Variants in FCHSD2 observed in about 807,000 individuals in gnomAD.
The protein encoded by FCHSD2 is F-BAR and double SH3 domains protein 2.
Under a neutral mutation model 108.1 loss-of-function variants are expected in FCHSD2, and 38 were observed. The observed-to-expected ratio is 0.35, with a 90% CI of 0.27 to 0.46. The LOEUF is 0.46. FCHSD2 is among the 20% of genes least tolerant of loss of function. FCHSD2 has a pLI of 1.00. For synonymous variants in FCHSD2, 279 were observed against 314.7 expected, an observed-to-expected ratio of 0.89 and a Z score of 1.20; for missense variants, 751 against 897.8, an observed-to-expected ratio of 0.84 and a Z score of 2.09.
At chr11:73,117,323 G>A (rs1005961606) in intron 2 of FCHSD2, among the ~76,000 whole-genome samples, 1 of 152,076 alleles carries the variant, frequency 6.6e-6, no homozygotes, top group East Asian at 1.9e-4. Flanking sequence ...TCACAATCAG[G>A]CAATCTGGTT....
At chr11:72,838,982 G>A in intron 19 of FCHSD2, 108 bp from the exon 20 acceptor site, 1 of 910,258 alleles carries the variant, frequency 1.1e-6, no homozygotes. Flanking sequence ...CACCCTAGGG[G>A]TCTCAGAAAT....
intron 3 of FCHSD2, among the ~76,000 whole-genome samples, chr11:73,017,631 C>T (rs1858003145): frequency 6.6e-6 from 1 of 152,148 alleles, no homozygotes; most frequent in South Asian, 2.1e-4. Context: ...CGTAACAGTT[C>T]CACTTAACAT....
chr11:73,037,314 T>C (rs1181720156), intron 3 of FCHSD2, among the ~76,000 whole-genome samples: 1 of 152,178 alleles, frequency 6.6e-6, no homozygotes, highest in African/African-American at 2.4e-5. Context: ...TGGTTTACAC[T>C]AGGATTCTTA....
chr11:72,973,853 T>G (rs12294533), intron 8 of FCHSD2, among the ~76,000 whole-genome samples: 1 of 152,078 alleles, frequency 6.6e-6, no homozygotes, highest in African/African-American at 2.4e-5. Context: ...GCCACATTCA[T>G]GGCTGCACTG....
chr11:73,107,101 A>G (rs527863709), intron 2 of FCHSD2, among the ~76,000 whole-genome samples: 192 of 152,132 alleles, frequency 1.3e-3, no homozygotes, highest in Admixed American at 4.2e-3. Context: ...CAGTGGCGCA[A>G]TATCGGCTCA....
At position 72,984,106 on chromosome 11, in the gene FCHSD2, A is replaced by G; in HGVS notation, c.687T>C (p.Asp229=). 6.2e-7 allele frequency: 1 copy of G among 1,613,176 alleles called. No homozygotes were observed. The highest frequency in any genetic ancestry group is 8.5e-7 in the Non-Finnish European group (1 of 1,179,282). ...NAHQDRYYQT[D]LVNIMKALDG... is the part of the protein sequence containing the mutation. ...GTATTACCTTCATAATGTTAACTAAATCTGTTTGATAGTAGCGATCCTGAT... is the reference window on the plus strand; with the variant it reads ...GTATTACCTTCATAATGTTAACTAAGTCTGTTTGATAGTAGCGATCCTGAT... Residue 229 remains aspartate (D), a synonymous_variant, in exon 8 of 20, where the codon GAT becomes GAC. Transcript: ENST00000409418.
At chr11:72,887,732 T>C (rs1191543151) in intron 11 of FCHSD2, among the ~76,000 whole-genome samples, 158 bp from the exon 12 acceptor site, 2 of 152,194 alleles carry the variant, frequency 1.3e-5, no homozygotes, top group Admixed American at 6.5e-5. Context: ...AATTATAGAC[T>C]TACTAGTAAC....
chr11:73,071,126 T>A (rs1422671022), intron 3 of FCHSD2, among the ~76,000 whole-genome samples: 1 of 152,214 alleles, frequency 6.6e-6, no homozygotes, highest in Non-Finnish European at 1.5e-5. Flanking sequence ...AGAACACTTT[T>A]GGAAGACACA....
chr11:73,053,145 CTTTTTTTTTT>C (rs771262833), intron 3 of FCHSD2, among the ~76,000 whole-genome samples: 1 of 102,972 alleles, frequency 9.7e-6, no homozygotes, highest in Non-Finnish European at 2.0e-5. Flanking sequence ...TGCACCCAGC[CTTTTTTTTTT>C]TTTTTTTTTT....
chr11:72,940,316 G>A (rs1856389481), intron 8 of FCHSD2, among the ~76,000 whole-genome samples: 1 of 152,160 alleles, frequency 6.6e-6, no homozygotes, highest in Non-Finnish European at 1.5e-5. Flanking sequence ...AAGCATGTTA[G>A]TATTTTAGTT....
chr11:72,871,603 GT>G (rs869249481), intron 12 of FCHSD2, among the ~76,000 whole-genome samples: 1 of 2,690 alleles, frequency 3.7e-4, no homozygotes, highest in Non-Finnish European at 9.7e-4. Flanking sequence ...GTTGGAGCTG[GT>G]GCAGTGGCTT....
intron 2 of FCHSD2, among the ~76,000 whole-genome samples, chr11:73,117,731 C>T (rs58050555): frequency 0.034 from 5,172 of 152,218 alleles, 290 homozygotes; most frequent in African/African-American, 0.12. Context: ...TCCATATAGC[C>T]GCCATTAGAT....
intron 3 of FCHSD2, among the ~76,000 whole-genome samples, chr11:73,082,863 G>A (rs1055830707): frequency 6.6e-6 from 1 of 152,020 alleles, no homozygotes; most frequent in African/African-American, 2.4e-5. Flanking sequence ...TGAAAGAATA[G>A]TTATTAATTC....
intron 3 of FCHSD2, among the ~76,000 whole-genome samples, chr11:73,024,050 T>C (rs1016961722): frequency 6.6e-6 from 1 of 152,130 alleles, no homozygotes. Context: ...CTAATATACA[T>C]AGTATTGTAG....
chr11:72,870,817 G>A (rs1244975080), intron 12 of FCHSD2, among the ~76,000 whole-genome samples: 1 of 143,574 alleles, frequency 7.0e-6, no homozygotes, highest in African/African-American at 2.6e-5. Flanking sequence ...GGAGAATGGC[G>A]TGAACCCAGG....
At chr11:72,958,379 A>G (rs1240908687) in intron 8 of FCHSD2, among the ~76,000 whole-genome samples, 2 of 152,116 alleles carry the variant, frequency 1.3e-5, no homozygotes, top group African/African-American at 4.8e-5. Context: ...TTAGCTGGGC[A>G]TGGTGGTGCT....
At chr11:72,905,323 G>C (rs1379451603) in intron 9 of FCHSD2, among the ~76,000 whole-genome samples, 1 of 151,704 alleles carries the variant, frequency 6.6e-6, no homozygotes, top group South Asian at 2.1e-4. Context: ...TATTTATGGG[G>C]TACATAAGAT....
At chr11:73,055,907 T>C (rs899370400) in intron 3 of FCHSD2, among the ~76,000 whole-genome samples, 4 of 152,214 alleles carry the variant, frequency 2.6e-5, no homozygotes, top group Admixed American at 1.3e-4. Flanking sequence ...AATATCTATT[T>C]GGGTTGATGA....
At chr11:72,958,028 A>G (rs983851347) in intron 8 of FCHSD2, among the ~76,000 whole-genome samples, 1 of 152,250 alleles carries the variant, frequency 6.6e-6, no homozygotes, top group Non-Finnish European at 1.5e-5. Flanking sequence ...ACAGATACAT[A>G]TATGTCTAAA....
Sources: gnomAD v4.1 joint callset for allele counts (sites outside exome capture counted in the v4.1 genomes callset) on GRCh38, gnomAD v4.1.1 for gene constraint, MANE v1.5 for transcripts, NCBI Gene and HGNC (gene_info 2026-07-23, HGNC 2026-07-21) for gene names.